KIF16B: variants seen among roughly 807,000 people sequenced by gnomAD.
KIF16B encodes kinesin-like protein KIF16B.
KIF16B carries 98 observed loss-of-function variants against 156.3 expected under a neutral mutation model. That is an observed-to-expected ratio of 0.63 (90% confidence interval 0.53 to 0.74). The LOEUF (loss-of-function observed/expected upper bound fraction) is 0.74. Ranked by LOEUF, KIF16B falls within the 30% of genes least tolerant of loss-of-function variation. The pLI, the probability that KIF16B is intolerant of heterozygous loss-of-function variation, is 0.00. For missense variants in KIF16B, 1,421 were observed against 1,606.5 expected, an observed-to-expected ratio of 0.88 and a Z score of 1.97; for synonymous variants, 564 against 583.7, an observed-to-expected ratio of 0.97 and a Z score of 0.49.
chr20:16,571,214 T>C (rs929206562), intron 1 of KIF16B, among the ~76,000 whole-genome samples: 1 of 152,152 alleles, frequency 6.6e-6, no homozygotes, highest in African/African-American at 2.4e-5. Flanking sequence ...TTCTTCCCCC[T>C]TCTTCCCATC....
chr20:16,526,721 A>C (rs1261327217), intron 2 of KIF16B, among the ~76,000 whole-genome samples: 1 of 152,180 alleles, frequency 6.6e-6, no homozygotes, highest in Non-Finnish European at 1.5e-5. Context: ...TCATATTGTG[A>C]GTTTATTGCG....
chr20:16,424,411 T>C (rs558141202), intron 15 of KIF16B, among the ~76,000 whole-genome samples: 1 of 152,158 alleles, frequency 6.6e-6, no homozygotes, highest in African/African-American at 2.4e-5. Flanking sequence ...ATTTCTGAGG[T>C]ACCTTCCTGC....
rs1444710752 is a variant in KIF16B at position 16,272,168 on chromosome 20, T to G, written c.*1085A>C. The G allele has an allele frequency of 6.6e-6, 1 of 152,610 alleles. No homozygotes were observed. The highest frequency in any genetic ancestry group is 2.4e-5 in the African/African-American group (1 of 41,444). The allele number at this position is 152,610 out of a possible 1,614,324, so 9.5% of individuals were successfully genotyped here. The stretch of plus-strand genomic sequence containing the variant: ...TTTAAATTTTGAAAAAGCAAATACA[T>G]TTAATAAAATTGGTGTGAATTATTA... On this transcript the variant is annotated 3_prime_UTR_variant, in exon 26 of 26. Transcript: ENST00000354981.
intron 22 of KIF16B, among the ~76,000 whole-genome samples, chr20:16,364,855 A>T (rs989614031): frequency 2.0e-5 from 3 of 152,176 alleles, no homozygotes; most frequent in Admixed American, 6.5e-5. Context: ...ATAATGAGTG[A>T]TATGATTTTT....
intron 25 of KIF16B, among the ~76,000 whole-genome samples, chr20:16,293,784 G>A (rs534689162): frequency 2.0e-5 from 3 of 152,214 alleles, no homozygotes; most frequent in Admixed American, 2.0e-4. Context: ...TCATACAATT[G>A]AGCAATAATG....
intron 15 of KIF16B, among the ~76,000 whole-genome samples, chr20:16,412,589 G>A (rs1396421501): frequency 6.6e-6 from 1 of 151,794 alleles, no homozygotes; most frequent in Non-Finnish European, 1.5e-5. Context: ...TCTTTACATG[G>A]CAGCAAGAAG....
At chr20:16,412,872 G>A (rs2065993548) in intron 15 of KIF16B, among the ~76,000 whole-genome samples, 1 of 151,930 alleles carries the variant, frequency 6.6e-6, no homozygotes. Flanking sequence ...AAACTGAAGG[G>A]CATAAAGAGG....
chr20:16,331,245 T>A (rs1377618557), intron 24 of KIF16B, among the ~76,000 whole-genome samples: 1 of 152,150 alleles, frequency 6.6e-6, no homozygotes, highest in East Asian at 1.9e-4. Context: ...AACATGTAAT[T>A]TATTATTGGG....
chr20:16,297,200 T>G (rs1325125709), intron 25 of KIF16B, among the ~76,000 whole-genome samples: 1 of 152,188 alleles, frequency 6.6e-6, no homozygotes, highest in African/African-American at 2.4e-5. Context: ...GCCTCCAAAA[T>G]CACATGATCA....
At chr20:16,292,555 A>T (rs993415628) in intron 25 of KIF16B, among the ~76,000 whole-genome samples, 2 of 152,220 alleles carry the variant, frequency 1.3e-5, no homozygotes, top group Non-Finnish European at 2.9e-5. Flanking sequence ...TTTGGAAAAC[A>T]AGTCTGAAAA....
intron 25 of KIF16B, among the ~76,000 whole-genome samples, chr20:16,283,019 G>A (rs769285505): frequency 6.6e-6 from 1 of 152,200 alleles, no homozygotes; most frequent in Non-Finnish European, 1.5e-5. Flanking sequence ...CCTCCAGTGT[G>A]AGACTTTCAT....
At chr20:16,395,056 T>C (rs981136276) in intron 17 of KIF16B, among the ~76,000 whole-genome samples, 3 of 150,796 alleles carry the variant, frequency 2.0e-5, no homozygotes, top group Admixed American at 6.6e-5. Flanking sequence ...TGTACAGTCG[T>C]GGACAGCAAA....
Position 16,273,048 on chromosome 20 carries a change from T to A in KIF16B, c.*205A>T. ...GCAATGGAACGGTAACGGCTGCCTG[T>A]CAGGGCCACATCAGCAGGCAGAGCA... On this transcript the variant is annotated 3_prime_UTR_variant, in exon 26 of 26. Coordinates refer to ENST00000354981, the MANE Select transcript of KIF16B (RefSeq NM_024704.5). 1 of 566,094 alleles carries A rather than the reference T, an allele frequency of 1.8e-6. No individual in the cohort carries two copies. Among genetic ancestry groups the A allele is most frequent in the Middle Eastern group, 4.8e-4 (1 of 2,078 alleles). 35.1% of individuals were successfully genotyped at this position (566,094 alleles called of 1,614,324 possible). A position where few individuals can be genotyped will look rare whatever the true frequency, so the allele number is the denominator to read the frequency against.
intron 24 of KIF16B, among the ~76,000 whole-genome samples, chr20:16,330,178 A>T (rs41400544): frequency 0.068 from 10,414 of 152,194 alleles, 369 homozygotes; most frequent in African/African-American, 0.082. Context: ...TTATTCACAG[A>T]CTTATCTTAT....
Position 16,423,679 on chromosome 20 carries a change from T to G in KIF16B, c.1612+3425A>C, listed in dbSNP as rs940819562. 3.3e-5 allele frequency among the ~76,000 whole-genome samples: 5 copies of G among 152,224 alleles called. No homozygotes were observed. The East Asian group carries it at 9.7e-4, about 29-fold the overall frequency. ...GTACATGGATCTCTACTGTGTACGTTCCTCTCTCCCTGGGAAAAGAGGACA... is the reference window on the plus strand; with the variant it reads ...GTACATGGATCTCTACTGTGTACGTGCCTCTCTCCCTGGGAAAAGAGGACA... On this transcript the variant is annotated intron_variant, in intron 15 of 25. Coordinates refer to ENST00000354981, the MANE Select transcript of KIF16B (RefSeq NM_024704.5).
At chr20:16,569,478 T>C (rs2071381826) in intron 1 of KIF16B, among the ~76,000 whole-genome samples, 1 of 152,178 alleles carries the variant, frequency 6.6e-6, no homozygotes, top group African/African-American at 2.4e-5. Context: ...TTGAAAGCCA[T>C]AAGGCAATAA....
At chr20:16,319,953 C>T (rs2063750513) in intron 24 of KIF16B, among the ~76,000 whole-genome samples, 1 of 152,162 alleles carries the variant, frequency 6.6e-6, no homozygotes, top group Non-Finnish European at 1.5e-5. Flanking sequence ...GCCTAACCGA[C>T]CAGGGCTAAA....
At chr20:16,309,495 T>A (rs1020697257) in intron 25 of KIF16B, among the ~76,000 whole-genome samples, 1 of 152,220 alleles carries the variant, frequency 6.6e-6, no homozygotes, top group Non-Finnish European at 1.5e-5. Flanking sequence ...CTATCCATCA[T>A]TTCTAAAAAT....
chr20:16,527,201 T>C (rs1270690851), intron 2 of KIF16B, among the ~76,000 whole-genome samples: 2 of 152,098 alleles, frequency 1.3e-5, no homozygotes, highest in Admixed American at 6.5e-5. Flanking sequence ...GCAGGCCAGA[T>C]AGAGCTGGAA....
Sources: gnomAD v4.1 joint callset for allele counts (sites outside exome capture counted in the v4.1 genomes callset) on GRCh38, gnomAD v4.1.1 for gene constraint, MANE v1.5 for transcripts, NCBI Gene and HGNC (gene_info 2026-07-23, HGNC 2026-07-21) for gene names.